Variants in TBCD observed in about 807,000 individuals in gnomAD.
TBCD encodes tubulin-specific chaperone D.
TBCD carries 105 observed loss-of-function variants against 169.3 expected under a neutral mutation model. The observed-to-expected ratio is 0.62, with a 90% CI of 0.53 to 0.73. The LOEUF (loss-of-function observed/expected upper bound fraction) is 0.73, where lower values mean the gene tolerates loss of function less well. TBCD is among the 30% of genes least tolerant of loss of function. The pLI, the probability that TBCD is intolerant of heterozygous loss-of-function variation, is 0.00. For synonymous variants in TBCD, 700 were observed against 643.9 expected, an observed-to-expected ratio of 1.09 and a Z score of -1.32; for missense variants, 1,444 against 1,600.1, an observed-to-expected ratio of 0.90 and a Z score of 1.66.
Position 82,768,229 on chromosome 17 carries a change from G to A in TBCD, c.436-191G>A, listed in dbSNP as rs1598409877. Among the ~76,000 whole-genome samples, 3 of 152,100 alleles carry A rather than the reference G, an allele frequency of 2.0e-5. No homozygotes were observed. In the South Asian group the frequency reaches 6.2e-4, roughly 32 times the overall value. ...CTAAGTTACGGCGGTAGGTGTGTGT[G>A]GTGGGGATTCCGGGGGGGATGTGGC... On this transcript the variant is annotated intron_variant, in intron 4 of 38. Transcript: ENST00000355528.
At chr17:82,767,221 A>G (rs2048057943) in intron 4 of TBCD, among the ~76,000 whole-genome samples, 1 of 151,808 alleles carries the variant, frequency 6.6e-6, no homozygotes, top group Non-Finnish European at 1.5e-5. Context: ...GGAGGAGCAC[A>G]CGGTTTATAA....
chr17:82,760,030 C>T (rs965587795), intron 2 of TBCD, among the ~76,000 whole-genome samples: 2 of 151,908 alleles, frequency 1.3e-5, no homozygotes, highest in East Asian at 1.9e-4. Flanking sequence ...TGTGCCACCA[C>T]GCCTGGCTAA....
intron 13 of TBCD, among the ~76,000 whole-genome samples, chr17:82,855,235 CTTTTTTTTTTTTT>C (rs58346723): frequency 0.011 from 607 of 54,030 alleles, 4 homozygotes; most frequent in African/African-American, 0.036. Flanking sequence ...AAGGTGTTTG[CTTTTTTTTTTTTT>C]TTTTTTTTTT....
At chr17:82,812,113 G>A (rs1042634146) in intron 12 of TBCD, among the ~76,000 whole-genome samples, 3 of 151,998 alleles carry the variant, frequency 2.0e-5, no homozygotes, top group Non-Finnish European at 2.9e-5. Flanking sequence ...AGGAAGTAGC[G>A]CCAGACCCCA....
chr17:82,759,149 G>A (rs2047613707), intron 2 of TBCD, among the ~76,000 whole-genome samples: 2 of 152,050 alleles, frequency 1.3e-5, no homozygotes, highest in African/African-American at 2.4e-5. Flanking sequence ...TGCAGAGCTG[G>A]GACAACAGGC....
At chr17:82,907,716 G>A (rs1343855849) in intron 20 of TBCD, 45 bp from the exon 21 acceptor site, 3 of 1,609,226 alleles carry the variant, frequency 1.9e-6, no homozygotes, top group African/African-American at 2.7e-5. Context: ...TCGGGGTTAG[G>A]GTCTTGGGGA....
intron 17 of TBCD, 135 bp from the exon 18 acceptor site, chr17:82,900,516 G>A: frequency 1.5e-6 from 1 of 687,948 alleles, no homozygotes; most frequent in Non-Finnish European, 2.6e-6. Context: ...GCTCAGGAGG[G>A]AATGGCTGGA....
At chr17:82,876,233 T>C (rs1437913105) in intron 14 of TBCD, among the ~76,000 whole-genome samples, 1 of 152,202 alleles carries the variant, frequency 6.6e-6, no homozygotes, top group Admixed American at 6.5e-5. Context: ...AGAGAATCCC[T>C]TTCTGTTTGA....
At chr17:82,830,796 G>A (rs774674189) in intron 13 of TBCD, 8 of 1,613,588 alleles carry the variant, frequency 5.0e-6, no homozygotes, top group East Asian at 2.2e-5. Flanking sequence ...CGGAGCTGTC[G>A]TCCGGACTGG....
intron 27 of TBCD, among the ~76,000 whole-genome samples, chr17:82,926,148 G>A (rs1317589521): frequency 7.6e-6 from 1 of 131,860 alleles, no homozygotes; most frequent in African/African-American, 3.0e-5. Flanking sequence ...CCGTGGAGAG[G>A]CTGGAGGTGA....
At chr17:82,805,828 A>G in intron 9 of TBCD, 47 bp from the exon 10 acceptor site, 1 of 1,571,086 alleles carries the variant, frequency 6.4e-7, no homozygotes, top group South Asian at 1.1e-5. Flanking sequence ...AGTCATCAGG[A>G]TGCTGTGAGC....
intron 14 of TBCD, among the ~76,000 whole-genome samples, chr17:82,871,461 C>T (rs1464181077): frequency 2.0e-5 from 3 of 152,206 alleles, no homozygotes; most frequent in Admixed American, 6.5e-5. Context: ...GTTTCACACC[C>T]GCACTTCACC....
intron 6 of TBCD, among the ~76,000 whole-genome samples, chr17:82,778,635 CT>C (rs766675944): frequency 5.2e-4 from 74 of 143,380 alleles, no homozygotes; most frequent in Admixed American, 5.5e-4. Flanking sequence ...ATTTCTTTTT[CT>C]TTTTTTTTTT....
intron 13 of TBCD, among the ~76,000 whole-genome samples, chr17:82,851,574 A>G (rs1266488291): frequency 1.3e-5 from 2 of 152,200 alleles, no homozygotes; most frequent in Non-Finnish European, 2.9e-5. Context: ...TCGGCCTCAG[A>G]CACGTGTACA....
intron 20 of TBCD, among the ~76,000 whole-genome samples, chr17:82,906,796 C>G (rs1388649325): frequency 6.6e-6 from 1 of 152,266 alleles, no homozygotes; most frequent in Non-Finnish European, 1.5e-5. Flanking sequence ...CGGCCCCGAG[C>G]TCAGATGCAG....
rs2063605600 is a variant in TBCD, at chr17:82,945,189, A to G, written c.*2726A>G. On this transcript the variant is annotated 3_prime_UTR_variant, in exon 39 of 39. Transcript: ENST00000355528. ...AAGTGAAATGAAAAGCTCAATGGAT[A>G]GCTTAGACACAGCTGAAGAGAGAAT... is the stretch of plus-strand genomic sequence containing the variant. 2 of 152,266 alleles carry G rather than the reference A, an allele frequency of 1.3e-5. No individual in the cohort carries two copies. The highest frequency in any genetic ancestry group is 4.8e-5 in the African/African-American group (2 of 41,472). 9.4% of individuals were successfully genotyped at this position (152,266 alleles called of 1,614,324 possible).
intron 13 of TBCD, among the ~76,000 whole-genome samples, chr17:82,824,683 C>T (rs1191844692): frequency 6.6e-6 from 1 of 152,312 alleles, no homozygotes; most frequent in South Asian, 2.1e-4. Context: ...ATTCATTTGT[C>T]AGTGGACGCT....
At chr17:82,887,168 T>TGTGTGTGTGTGTGCGCGCGCGCGC in intron 15 of TBCD, among the ~76,000 whole-genome samples, 86 of 126,170 alleles carry the variant, frequency 6.8e-4, no homozygotes, top group South Asian at 2.7e-3. Flanking sequence ...TGTGTGTGTG[T>TGTGTGTGTGTGTGCGCGCGCGCGC]GCGCGCGCGC....
In TBCD at chr17:82,930,659, TG is replaced by T; in HGVS notation, c.3113+20del. ...TGAATGAGAGGTGAGTGGTGTCTCTTGGGGCCTCAGAGGCGTGAGTGGTGCT... is the reference window on the plus strand; with the variant it reads ...TGAATGAGAGGTGAGTGGTGTCTCTTGGGCCTCAGAGGCGTGAGTGGTGCT... On this transcript the variant is annotated intron_variant, in intron 33 of 38. Coordinates refer to ENST00000355528, the MANE Select transcript of TBCD (RefSeq NM_005993.5). This position sits in a 1 kb window ranked among gnomAD's most constrained non-coding sequence, Gnocchi z 5.2. 6.2e-7 allele frequency: 1 copy of T among 1,613,868 alleles called. No individual in the cohort carries two copies. Among genetic ancestry groups the T allele is most frequent in the South Asian group, 1.1e-5 (1 of 91,076 alleles).
Sources: gnomAD v4.1 joint callset for allele counts (sites outside exome capture counted in the v4.1 genomes callset) on GRCh38, gnomAD v4.1.1 for gene constraint, Gnocchi (gnomAD v3.1) non-coding constraint, MANE v1.5 for transcripts, NCBI Gene and HGNC (gene_info 2026-07-23, HGNC 2026-07-21) for gene names.